SYT1: variants seen among roughly 807,000 people sequenced by gnomAD.
The protein encoded by SYT1 is synaptotagmin 1.
SYT1 carries 8 observed loss-of-function variants against 44.8 expected under a neutral mutation model. The observed-to-expected ratio is 0.18, with a 90% CI of 0.10 to 0.32. The LOEUF (loss-of-function observed/expected upper bound fraction) is 0.32. Among genes scored for constraint, SYT1 ranks in the 10% least tolerant of loss-of-function variants. The probability of loss-of-function intolerance (pLI) is 1.00; values close to 1 mark genes in which losing one functional copy is unlikely to be tolerated. For missense variants in SYT1, 286 were observed against 509.3 expected, an observed-to-expected ratio of 0.56 and a Z score of 4.22; for synonymous variants, 154 against 188.8, an observed-to-expected ratio of 0.82 and a Z score of 1.51.
intron 4 of SYT1, among the ~76,000 whole-genome samples, chr12:79,249,987 A>G (rs1015970965): frequency 2.0e-5 from 3 of 152,160 alleles, no homozygotes; most frequent in African/African-American, 7.2e-5. Flanking sequence ...CTGTAATATG[A>G]TCATTATCAT....
At chr12:79,288,733 A>G (rs1160488600) in intron 5 of SYT1, among the ~76,000 whole-genome samples, 1 of 152,156 alleles carries the variant, frequency 6.6e-6, no homozygotes, top group South Asian at 2.1e-4. Flanking sequence ...TGGAAAGGTC[A>G]TTTCTCCACG....
intron 3 of SYT1, among the ~76,000 whole-genome samples, chr12:79,108,188 T>C (rs1023292213): frequency 1.3e-5 from 2 of 151,980 alleles, no homozygotes; most frequent in Admixed American, 1.3e-4. Context: ...AAGGGTTTGA[T>C]GGAGGGGTGA....
At chr12:79,230,259 T>C (rs1875792139) in intron 4 of SYT1, among the ~76,000 whole-genome samples, 2 of 152,220 alleles carry the variant, frequency 1.3e-5, no homozygotes, top group African/African-American at 4.8e-5. Flanking sequence ...TCCAATTTTC[T>C]TGTGATTTTT....
intron 3 of SYT1, among the ~76,000 whole-genome samples, chr12:79,174,426 A>G (rs1311380673): frequency 6.6e-6 from 1 of 152,026 alleles, no homozygotes; most frequent in Non-Finnish European, 1.5e-5. Context: ...AAAATAGGCT[A>G]GAAGGCATCA....
chr12:79,290,027 A>G (rs762476065), intron 5 of SYT1, among the ~76,000 whole-genome samples: 5 of 152,134 alleles, frequency 3.3e-5, no homozygotes, highest in Non-Finnish European at 5.9e-5. Context: ...GTAAGTCAAC[A>G]TTTTAACATT....
intron 3 of SYT1, among the ~76,000 whole-genome samples, chr12:79,073,015 T>A (rs537063856): frequency 1.1e-3 from 163 of 152,268 alleles, no homozygotes; most frequent in Non-Finnish European, 1.9e-3. Flanking sequence ...CTTAAATAAT[T>A]AAACAATGAA....
chr12:79,391,927 T>G (rs1332737441), intron 9 of SYT1, among the ~76,000 whole-genome samples: 2 of 150,696 alleles, frequency 1.3e-5, no homozygotes, highest in Non-Finnish European at 3.0e-5. Flanking sequence ...TTGCAAGATG[T>G]GTGTCAAATA....
chr12:79,179,069 T>G (rs866264159), intron 3 of SYT1, among the ~76,000 whole-genome samples: 8 of 80,152 alleles, frequency 1.0e-4, no homozygotes, highest in Admixed American at 2.6e-4. Flanking sequence ...TAGATATAGA[T>G]ATATAGATAT....
intron 3 of SYT1, among the ~76,000 whole-genome samples, chr12:79,049,085 C>G (rs921302657): frequency 6.6e-6 from 1 of 151,858 alleles, no homozygotes; most frequent in Admixed American, 6.6e-5. Flanking sequence ...CTACTTCACT[C>G]CCTCACAATT....
chr12:79,347,495 C>T (rs1325347691), intron 8 of SYT1, among the ~76,000 whole-genome samples: 1 of 152,200 alleles, frequency 6.6e-6, no homozygotes, highest in Non-Finnish European at 1.5e-5. Context: ...AGCCCAACTT[C>T]TCAACCTGTG....
At chr12:79,104,215 TCA>T (rs1271258685) in intron 3 of SYT1, among the ~76,000 whole-genome samples, 1 of 151,970 alleles carries the variant, frequency 6.6e-6, no homozygotes, top group Non-Finnish European at 1.5e-5. Flanking sequence ...AATGTGTCCT[TCA>T]AAATACAGAG....
intron 3 of SYT1, among the ~76,000 whole-genome samples, chr12:79,076,643 G>A (rs150640273): frequency 6.6e-6 from 1 of 152,072 alleles, no homozygotes; most frequent in Non-Finnish European, 1.5e-5. Context: ...ATATTTATAA[G>A]AATATAAATT....
intron 10 of SYT1, among the ~76,000 whole-genome samples, chr12:79,445,503 T>TATGA (rs1172995675): frequency 2.0e-5 from 3 of 152,186 alleles, no homozygotes; most frequent in East Asian, 3.9e-4. Flanking sequence ...CTTTTATTTC[T>TATGA]ATGATATCAA....
intron 9 of SYT1, among the ~76,000 whole-genome samples, chr12:79,383,581 C>G (rs189315969): frequency 6.6e-6 from 1 of 152,198 alleles, no homozygotes; most frequent in African/African-American, 2.4e-5. Context: ...TTCTAACTAC[C>G]CTTTATGTCC....
intron 3 of SYT1, among the ~76,000 whole-genome samples, chr12:79,149,696 C>T (rs1054625798): frequency 6.6e-6 from 1 of 152,128 alleles, no homozygotes; most frequent in African/African-American, 2.4e-5. Flanking sequence ...TTAAACATCA[C>T]TGCCTCAGGG....
At chr12:79,031,230 C>G (rs76540423) in intron 2 of SYT1, among the ~76,000 whole-genome samples, 5,023 of 151,026 alleles carry the variant, frequency 0.033, 277 homozygotes, top group African/African-American at 0.11. Context: ...TGTTAAAACT[C>G]TATTCTAGAA....
At chr12:78,939,446 C>T (rs1878236322) in intron 1 of SYT1, among the ~76,000 whole-genome samples, 1 of 152,280 alleles carries the variant, frequency 6.6e-6, no homozygotes, top group African/African-American at 2.4e-5. Flanking sequence ...ACTGAATTAA[C>T]AGGAGAAAGG....
At chr12:79,074,027 A>C (rs538102967) in intron 3 of SYT1, among the ~76,000 whole-genome samples, 1 of 152,316 alleles carries the variant, frequency 6.6e-6, no homozygotes, top group East Asian at 1.9e-4. Context: ...ATATATAAAA[A>C]ATAATGTGCT....
In SYT1 at chr12:79,340,962, T is replaced by A. The variant is rs574002591; in HGVS notation, c.811-12540T>A. 3.3e-5 allele frequency among the ~76,000 whole-genome samples: 5 copies of A among 152,344 alleles called. No homozygotes were observed. The East Asian group carries it at 9.7e-4, about 29-fold the overall frequency. ...TATAGTGGTCCTTCCTAATACATGTTTCTATAATGACACCTACAATTTTAT... is the reference window on the plus strand; with the variant it reads ...TATAGTGGTCCTTCCTAATACATGTATCTATAATGACACCTACAATTTTAT... On this transcript the variant is annotated intron_variant, in intron 8 of 10. Transcript: ENST00000261205.
Sources: allele counts gnomAD v4.1 joint callset (sites outside exome capture counted in the v4.1 genomes callset), GRCh38; gene constraint gnomAD v4.1.1; transcripts MANE v1.5; gene names NCBI Gene and HGNC (gene_info 2026-07-23, HGNC 2026-07-21).